NRXN3: variants seen among roughly 807,000 people sequenced by gnomAD.
NRXN3 encodes the protein neurexin 3, also known as neurexin III.
In NRXN3, 32 loss-of-function variants were observed where a neutral mutation model predicts 137.6. The observed-to-expected ratio is 0.23, with a 90% CI of 0.18 to 0.31. NRXN3 has a LOEUF of 0.31. Ranked by LOEUF, NRXN3 falls within the 10% of genes least tolerant of loss-of-function variation. The pLI, the probability that NRXN3 is intolerant of heterozygous loss-of-function variation, is 1.00. For missense variants in NRXN3, 1,574 were observed against 2,062.5 expected (o/e 0.76, Z 4.59); for synonymous variants, 798 against 784.5 (o/e 1.02, Z -0.29).
chr14:79,358,798 A>C (rs895730720), intron 15 of NRXN3, among the ~76,000 whole-genome samples: 1 of 152,056 alleles, frequency 6.6e-6, no homozygotes, highest in Non-Finnish European at 1.5e-5. Context: ...TGACCGTCAC[A>C]TCCTTAGAAA....
At chr14:79,500,236 CAAA>C (rs34976297) in intron 16 of NRXN3, among the ~76,000 whole-genome samples, 3,108 of 88,462 alleles carry the variant, frequency 0.035, 125 homozygotes, top group African/African-American at 0.12. Flanking sequence ...AAAAAGAAGG[CAAA>C]AAAAAAAAAA....
chr14:79,184,540 C>G (rs575962495), intron 15 of NRXN3, among the ~76,000 whole-genome samples: 65 of 152,250 alleles, frequency 4.3e-4, no homozygotes, highest in Middle Eastern at 3.4e-3. Context: ...AAATTCTGGT[C>G]TCGTCACAGA....
intron 15 of NRXN3, among the ~76,000 whole-genome samples, chr14:79,168,295 C>A (rs1224002603): frequency 6.6e-6 from 1 of 151,944 alleles, no homozygotes; most frequent in Non-Finnish European, 1.5e-5. Context: ...CTTGACCCAG[C>A]AAAACTGTTG....
intron 19 of NRXN3, among the ~76,000 whole-genome samples, chr14:79,767,373 T>C (rs2099059533): frequency 6.6e-6 from 1 of 152,240 alleles, no homozygotes; most frequent in South Asian, 2.1e-4. Context: ...AATGTTCTTA[T>C]TTCTCAGCAC....
intron 16 of NRXN3, among the ~76,000 whole-genome samples, chr14:79,572,660 C>T (rs140621499): frequency 6.6e-6 from 1 of 152,264 alleles, no homozygotes; most frequent in African/African-American, 2.4e-5. Flanking sequence ...TTGTACTAGG[C>T]TCCATGCTAG....
rs555075319 is a variant in NRXN3 at position 79,554,581 on chromosome 14, C to T, written c.3444+87179C>T. 1.5e-4 allele frequency among the ~76,000 whole-genome samples: 23 copies of T among 152,230 alleles called. 2 individuals carry two copies. The South Asian group carries it at 4.8e-3, about 32-fold the overall frequency. ...GTAGCCAATGCTTATTAGCGTACTA[C>T]TTGGGTAGGTGGGAGGATGCAAGAG... On this transcript the variant is annotated intron_variant, in intron 16 of 20. Coordinates refer to ENST00000335750, the MANE Select transcript of NRXN3 (RefSeq NM_001330195.2).
intron 5 of NRXN3, among the ~76,000 whole-genome samples, chr14:78,650,159 G>A (rs2097726540): frequency 6.6e-6 from 1 of 151,974 alleles, no homozygotes; most frequent in African/African-American, 2.4e-5. Flanking sequence ...AGTTTTGAAT[G>A]CTTTTTTTTC....
intron 14 of NRXN3, among the ~76,000 whole-genome samples, chr14:78,974,965 C>T (rs2099459307): frequency 6.6e-6 from 1 of 152,164 alleles, no homozygotes. Flanking sequence ...GATGAGTCAA[C>T]AGCTTAAGTC....
chr14:78,351,470 A>G (rs2083482019), intron 4 of NRXN3, among the ~76,000 whole-genome samples: 1 of 152,148 alleles, frequency 6.6e-6, no homozygotes, highest in Admixed American at 6.6e-5. Context: ...CTCTTTCTCC[A>G]TGTCTTCTCC....
intron 4 of NRXN3, among the ~76,000 whole-genome samples, chr14:78,306,012 GT>G (rs375201630): frequency 6.6e-6 from 1 of 151,976 alleles, no homozygotes; most frequent in Non-Finnish European, 1.5e-5. Context: ...TGAAAAGTGT[GT>G]TTTTTTCTTG....
chr14:78,200,671 A>G (rs2061594779), intron 1 of NRXN3, among the ~76,000 whole-genome samples: 1 of 152,174 alleles, frequency 6.6e-6, no homozygotes, highest in Non-Finnish European at 1.5e-5. Flanking sequence ...AACTGACTTG[A>G]TATTATGTAA....
chr14:79,214,175 T>C (rs1462961404), intron 15 of NRXN3, among the ~76,000 whole-genome samples: 1 of 152,240 alleles, frequency 6.6e-6, no homozygotes, highest in East Asian at 1.9e-4. Context: ...CTGTGGCATA[T>C]TACATATTAC....
intron 16 of NRXN3, among the ~76,000 whole-genome samples, chr14:79,488,393 T>C (rs2096677643): frequency 6.6e-6 from 1 of 152,206 alleles, no homozygotes; most frequent in Non-Finnish European, 1.5e-5. Context: ...ATACTTCTTC[T>C]TCCAAGGTAG....
intron 16 of NRXN3, among the ~76,000 whole-genome samples, chr14:79,547,803 A>G (rs1349984908): frequency 6.6e-6 from 1 of 152,216 alleles, no homozygotes; most frequent in East Asian, 1.9e-4. Flanking sequence ...TGTATTCAAC[A>G]CATGCCTTCG....
Position 78,926,762 on chromosome 14 carries a change from TTA to T in NRXN3, c.2276-30472_2276-30471del, listed in dbSNP as rs1336549681. ...ATATATATTATATATTATATATATA[TTA>T]TATATATTATATATATAAAATATAT... On this transcript the variant is annotated intron_variant, in intron 10 of 20. Transcript: ENST00000335750. Among the ~76,000 whole-genome samples, 14 of 44,618 alleles carry T rather than the reference TTA, an allele frequency of 3.1e-4. 3 individuals carry two copies. In the South Asian group the frequency reaches 3.7e-3, roughly 12 times the overall value. The allele number at this position is 44,618 out of a possible 152,430, so 29.3% of individuals were successfully genotyped here.
chr14:79,519,605 A>G (rs965657107), intron 16 of NRXN3, among the ~76,000 whole-genome samples: 2 of 151,938 alleles, frequency 1.3e-5, no homozygotes, highest in African/African-American at 2.4e-5. Context: ...GTGCTTTTAC[A>G]TTTTTATTGT....
At chr14:79,257,071 C>G (rs2076674195) in intron 15 of NRXN3, among the ~76,000 whole-genome samples, 1 of 152,066 alleles carries the variant, frequency 6.6e-6, no homozygotes, top group African/African-American at 2.4e-5. Context: ...CAGCCTTGGG[C>G]CCTCTTTTTA....
chr14:79,166,459 A>C (rs61992527), intron 15 of NRXN3, among the ~76,000 whole-genome samples: 39,950 of 150,550 alleles, frequency 0.27, 5,640 homozygotes, highest in Middle Eastern at 0.32. Flanking sequence ...AGAAATGATG[A>C]CCTTGATATT....
At chr14:79,679,790 A>T (rs1228686767) in intron 17 of NRXN3, among the ~76,000 whole-genome samples, 1 of 152,220 alleles carries the variant, frequency 6.6e-6, no homozygotes, top group East Asian at 1.9e-4. Context: ...TTACATAATC[A>T]TTGGCCACTT....
Sources: allele counts gnomAD v4.1 joint callset (sites outside exome capture counted in the v4.1 genomes callset), GRCh38; gene constraint gnomAD v4.1.1; transcripts MANE v1.5; gene names NCBI Gene and HGNC (gene_info 2026-07-23, HGNC 2026-07-21).